TNPO1: variants seen among roughly 807,000 people sequenced by gnomAD.
TNPO1 encodes transportin 1.
A neutral mutation model predicts 119.5 loss-of-function variants in TNPO1; 8 were observed. That is an observed-to-expected ratio of 0.07 (90% CI 0.04 to 0.12). The LOEUF (loss-of-function observed/expected upper bound fraction) is 0.12. Among genes scored for constraint, TNPO1 ranks in the 10% least tolerant of loss-of-function variants. TNPO1 has a pLI of 1.00. For missense variants in TNPO1, 576 were observed against 1,089.8 expected (o/e 0.53, Z 6.64); for synonymous variants, 362 against 363.0 (o/e 1.00, Z 0.03).
At chr5:72,879,387 C>CT (rs1748059920) in intron 9 of TNPO1, among the ~76,000 whole-genome samples, 1 of 152,214 alleles carries the variant, frequency 6.6e-6, no homozygotes, top group Admixed American at 6.5e-5. Flanking sequence ...ACTAGGTACT[C>CT]TAACTCTATT....
At chr5:72,864,243 T>C (rs1307771156) in intron 5 of TNPO1, among the ~76,000 whole-genome samples, 3 of 152,230 alleles carry the variant, frequency 2.0e-5, no homozygotes, top group African/African-American at 7.2e-5. Flanking sequence ...ATATATTGAT[T>C]AAATTTTAGA....
chr5:72,879,116 G>C (rs1748041846), intron 9 of TNPO1: 1 of 213,016 alleles, frequency 4.7e-6, no homozygotes, highest in Non-Finnish European at 9.9e-6. Context: ...AGAGCTGTGT[G>C]TTTCCTTTGG....
chr5:72,830,848 C>A (rs1744424926), intron 1 of TNPO1, among the ~76,000 whole-genome samples: 1 of 151,998 alleles, frequency 6.6e-6, no homozygotes, highest in Non-Finnish European at 1.5e-5. Context: ...ATCAGTTTGC[C>A]ATAATGGAAA....
At chr5:72,886,162 G>A (rs1230634446) in intron 11 of TNPO1, among the ~76,000 whole-genome samples, 1 of 151,706 alleles carries the variant, frequency 6.6e-6, no homozygotes, top group Non-Finnish European at 1.5e-5. Flanking sequence ...TGATATTTTT[G>A]TTGTTCTTTT....
chr5:72,872,385 A>G (rs1413370593), intron 6 of TNPO1, among the ~76,000 whole-genome samples: 3 of 152,148 alleles, frequency 2.0e-5, no homozygotes, highest in Non-Finnish European at 2.9e-5. Context: ...GGTATGCACT[A>G]TTAAAAATTT....
intron 1 of TNPO1, among the ~76,000 whole-genome samples, chr5:72,833,733 C>T (rs992725724): frequency 2.0e-5 from 3 of 152,130 alleles, no homozygotes; most frequent in African/African-American, 7.2e-5. Context: ...ATTTCCTTCC[C>T]ATCTCACATT....
At chr5:72,843,736 A>G (rs1362931482) in intron 1 of TNPO1, among the ~76,000 whole-genome samples, 1 of 152,190 alleles carries the variant, frequency 6.6e-6, no homozygotes, top group Non-Finnish European at 1.5e-5. Flanking sequence ...TCTCACATTC[A>G]TAGTGATTCA....
At chr5:72,832,617 A>G (rs992181141) in intron 1 of TNPO1, among the ~76,000 whole-genome samples, 1 of 152,202 alleles carries the variant, frequency 6.6e-6, no homozygotes, top group African/African-American at 2.4e-5. Flanking sequence ...AGCTAGCATC[A>G]TAGTGAGAGT....
In TNPO1 at chr5:72,877,354, T is replaced by C. The variant is rs778956468; in HGVS notation, c.920+8T>C. The C allele has an allele frequency of 6.3e-6, 9 of 1,421,686 alleles. No individual in the cohort carries two copies. The highest frequency in any genetic ancestry group is 8.9e-6 in the Non-Finnish European group (9 of 1,014,100). The allele number at this position is 1,421,686 out of a possible 1,614,324, so 88.1% of individuals were successfully genotyped here. On this transcript the variant is annotated splice_region_variant and intron_variant, in intron 9 of 24. Coordinates refer to ENST00000337273, the MANE Select transcript of TNPO1 (RefSeq NM_002270.4). ...CGTAAGGCATCTTCCTAAGTAAGTG[T>C]TCCCTCTTATAAATGCTGCCTTGTT...
rs1024734297 is a variant in TNPO1, at chr5:72,816,758, T to C, written c.15+6T>C. ...CTGGGATGGTGTGGGACCGGGTAGG[T>C]GGCGTGAGGGTGCGCGGCCCCGAAC... On this transcript the variant is annotated splice_donor_region_variant and intron_variant, in intron 1 of 24. Transcript: ENST00000337273. 5 of 1,584,258 alleles carry C rather than the reference T, an allele frequency of 3.2e-6. No homozygotes were observed. In the Admixed American group the frequency reaches 5.3e-5, roughly 17 times the overall value.
At chr5:72,899,984 A>G in intron 20 of TNPO1, 22 bp from the exon 21 acceptor site, 1 of 1,612,494 alleles carries the variant, frequency 6.2e-7, no homozygotes, top group Non-Finnish European at 8.5e-7. Context: ...GGTGGTGTAT[A>G]ACCGTGATTG....
At position 72,861,805 on chromosome 5, in the gene TNPO1, A is replaced by G; in HGVS notation, c.356-3A>G. 2 of 1,608,122 alleles carry G rather than the reference A, an allele frequency of 1.2e-6. No homozygotes were observed. Among genetic ancestry groups the G allele is most frequent in the Non-Finnish European group, 1.7e-6 (2 of 1,174,902 alleles). On this transcript the variant is annotated splice_polypyrimidine_tract_variant and splice_region_variant and intron_variant, in intron 4 of 24. Coordinates refer to ENST00000337273, the MANE Select transcript of TNPO1 (RefSeq NM_002270.4). Reference sequence around the variant, plus strand: ...TTCCTAAAGAAGTGTGTTTTTGTTCAAGGTATTTTGATCACAACTATAGCC... The same window carrying G: ...TTCCTAAAGAAGTGTGTTTTTGTTCGAGGTATTTTGATCACAACTATAGCC...
chr5:72,892,751 C>G (rs1270678070), intron 15 of TNPO1, among the ~76,000 whole-genome samples: 2 of 152,048 alleles, frequency 1.3e-5, no homozygotes, highest in African/African-American at 4.8e-5. Context: ...ATACAGAGGG[C>G]CAACTGTATA....
At chr5:72,902,206 T>G (rs1204327356) in intron 22 of TNPO1, among the ~76,000 whole-genome samples, 1 of 152,182 alleles carries the variant, frequency 6.6e-6, no homozygotes, top group Non-Finnish European at 1.5e-5. Flanking sequence ...ATTTCTTAAT[T>G]TTCAAGAAAA....
At position 72,893,381 on chromosome 5, in the gene TNPO1, A is replaced by G; in HGVS notation, c.1901A>G (p.Asn634Ser). The G allele has an allele frequency of 6.2e-7, 1 of 1,611,672 alleles. No individual in the cohort carries two copies. Among genetic ancestry groups the G allele is most frequent in the Non-Finnish European group, 8.5e-7 (1 of 1,179,392 alleles). The change falls in exon 17 of 25, where the codon AAC (asparagine) becomes AGC (serine). Residue 634 changes from asparagine to serine, a missense_variant. This residue lies in a region of TNPO1 where 21 missense variants were observed against 23.9 expected (regional missense o/e 0.88). Coordinates refer to ENST00000337273, the MANE Select transcript of TNPO1 (RefSeq NM_002270.4). ...VQKTLAQAML[N>S]NAQPDQYEAP... ...AAACATTGTGTCTAATTTCAGCTAA[A>G]CAATGCTCAACCAGATCAATATGAA...
chr5:72,854,349 G>T (rs2112274195), intron 3 of TNPO1, among the ~76,000 whole-genome samples: 1 of 152,320 alleles, frequency 6.6e-6, no homozygotes, highest in South Asian at 2.1e-4. Flanking sequence ...TGTGTGCAGA[G>T]AAACTGCTCT....
intron 6 of TNPO1, among the ~76,000 whole-genome samples, chr5:72,867,059 A>G (rs979048380): frequency 3.0e-4 from 46 of 152,080 alleles, no homozygotes; most frequent in Non-Finnish European, 5.0e-4. Context: ...GTATGTGCCT[A>G]TAGTCCTAGC....
At chr5:72,828,633 G>C (rs994653344) in intron 1 of TNPO1, among the ~76,000 whole-genome samples, 2 of 152,084 alleles carry the variant, frequency 1.3e-5, no homozygotes, top group African/African-American at 4.8e-5. Context: ...ATTATCTTAT[G>C]AAACTGCATA....
At chr5:72,838,931 A>G (rs913382937) in intron 1 of TNPO1, among the ~76,000 whole-genome samples, 1 of 152,204 alleles carries the variant, frequency 6.6e-6, no homozygotes, top group Non-Finnish European at 1.5e-5. Flanking sequence ...GAGGTAAAAT[A>G]TGAAAGTACT....
Sources: gnomAD v4.1 joint callset for allele counts (sites outside exome capture counted in the v4.1 genomes callset) on GRCh38, gnomAD v4.1.1 for gene constraint, gnomAD v4.1.1 regional missense constraint, MANE v1.5 for transcripts, NCBI Gene and HGNC (gene_info 2026-07-23, HGNC 2026-07-21) for gene names.